The following SGK1 variants were observed in gnomAD, a reference collection of about 807,000 sequenced individuals.
The protein encoded by SGK1 is serum/glucocorticoid regulated kinase 1, also known as serine/threonine-protein kinase Sgk1.
Under a neutral mutation model 64.2 loss-of-function variants are expected in SGK1, and 26 were observed. That is an observed-to-expected ratio of 0.40 (90% CI 0.30 to 0.56). The LOEUF (loss-of-function observed/expected upper bound fraction) is 0.56. SGK1 is among the 20% of genes least tolerant of loss of function. The pLI is 0.38. For missense variants in SGK1, 519 were observed against 645.6 expected, an observed-to-expected ratio of 0.80 and a Z score of 2.12; for synonymous variants, 265 against 239.7, an observed-to-expected ratio of 1.11 and a Z score of -0.98.
At chr6:134,263,330 G>A (rs1181340306) in intron 1 of SGK1, among the ~76,000 whole-genome samples, 1 of 152,012 alleles carries the variant, frequency 6.6e-6, no homozygotes, top group African/African-American at 2.4e-5. Context: ...TTGAACTGCT[G>A]GGCTCAAGCA....
At chr6:134,301,530 T>TC (rs1562279065) in intron 1 of SGK1, among the ~76,000 whole-genome samples, 59 of 103,352 alleles carry the variant, frequency 5.7e-4, no homozygotes, top group South Asian at 2.9e-3. Flanking sequence ...TCTTTTCTCT[T>TC]TTCTTCTCTT....
intron 3 of SGK1, among the ~76,000 whole-genome samples, chr6:134,176,365 C>T (rs2114646674): frequency 6.6e-6 from 1 of 152,368 alleles, no homozygotes; most frequent in South Asian, 2.1e-4. Flanking sequence ...AGCCGGGTGA[C>T]TCCGCTGCAG....
At chr6:134,279,651 C>G (rs368432381) in intron 1 of SGK1, among the ~76,000 whole-genome samples, 7 of 151,988 alleles carry the variant, frequency 4.6e-5, no homozygotes, top group African/African-American at 1.7e-4. Context: ...CCCCTCCCCC[C>G]CAAAAATAGC....
At chr6:134,228,157 G>A (rs1776217740) in intron 2 of SGK1, among the ~76,000 whole-genome samples, 1 of 151,824 alleles carries the variant, frequency 6.6e-6, no homozygotes. Context: ...TTTTCACCAT[G>A]TTGGCCAGGC....
At chr6:134,235,790 G>A (rs907605292) in intron 2 of SGK1, among the ~76,000 whole-genome samples, 52 of 152,050 alleles carry the variant, frequency 3.4e-4, no homozygotes, top group African/African-American at 1.2e-3. Flanking sequence ...GGCCAGGCTG[G>A]TCTCAAACTC....
chr6:134,255,514 T>G (rs1473207225), intron 2 of SGK1, among the ~76,000 whole-genome samples: 1 of 151,206 alleles, frequency 6.6e-6, no homozygotes, highest in Non-Finnish European at 1.5e-5. Context: ...GTCACTGCAC[T>G]CTAGCCTGGG....
chr6:134,171,621 CCA>C lies in SGK1; in HGVS notation c.1167+14_1167+15del, dbSNP rs760734707. On this transcript the variant is annotated intron_variant, in intron 11 of 13. Coordinates refer to ENST00000367858, the MANE Select transcript of SGK1 (RefSeq NM_001143676.3). Reference sequence around the variant, plus strand: ...GGGAGCAGGCAGTGTTCCATGGTTCCCAATGTGCCACTCACCAGGCCATACAG... The same window carrying C: ...GGGAGCAGGCAGTGTTCCATGGTTCCATGTGCCACTCACCAGGCCATACAG... The C allele has an allele frequency of 5.1e-6, 8 of 1,577,414 alleles. No individual in the cohort carries two copies. In the South Asian group the frequency reaches 8.9e-5, roughly 17 times the overall value.
chr6:134,211,851 C>A (rs533527114), intron 2 of SGK1, among the ~76,000 whole-genome samples: 34 of 126,846 alleles, frequency 2.7e-4, no homozygotes, highest in East Asian at 2.2e-3. Flanking sequence ...TCCAGCCTGG[C>A]GAGAGAGCGA....
intron 3 of SGK1, among the ~76,000 whole-genome samples, chr6:134,194,006 C>T (rs1054289912): frequency 5.9e-5 from 9 of 151,906 alleles, no homozygotes; most frequent in African/African-American, 2.2e-4. Flanking sequence ...CACACTCACA[C>T]CCACACTCAT....
chr6:134,170,440 G>A lies in SGK1; in HGVS notation c.1414-5C>T, dbSNP rs769029434. The A allele has an allele frequency of 5.6e-6, 9 of 1,606,988 alleles. No homozygotes were observed. The highest frequency in any genetic ancestry group is 1.3e-5 in the African/African-American group (1 of 74,662). Reference sequence around the variant, plus strand: ...CCGTAGGTCGTTGGGCCCACTCTGTGACGGGAAGGGAAAAACACTCTTGTC... The same window carrying A: ...CCGTAGGTCGTTGGGCCCACTCTGTAACGGGAAGGGAAAAACACTCTTGTC... On this transcript the variant is annotated splice_region_variant and splice_polypyrimidine_tract_variant and intron_variant, in intron 13 of 13. Coordinates refer to ENST00000367858, the MANE Select transcript of SGK1 (RefSeq NM_001143676.3).
intron 1 of SGK1, among the ~76,000 whole-genome samples, chr6:134,296,567 T>C (rs1446441855): frequency 6.6e-6 from 1 of 152,062 alleles, no homozygotes; most frequent in African/African-American, 2.4e-5. Context: ...AGCAACCCTC[T>C]TGCCTCAGCC....
chr6:134,268,595 T>A (rs75920356), intron 1 of SGK1, among the ~76,000 whole-genome samples: 1 of 139,188 alleles, frequency 7.2e-6, no homozygotes. Context: ...TAGTGGAGGG[T>A]GCCTGTAGTC....
At chr6:134,243,037 A>T (rs1776472296) in intron 2 of SGK1, among the ~76,000 whole-genome samples, 1 of 151,864 alleles carries the variant, frequency 6.6e-6, no homozygotes. Flanking sequence ...ACTAATGGTT[A>T]AAAAACAAAC....
At chr6:134,185,555 A>AGTGTGT (rs55653141) in intron 3 of SGK1, among the ~76,000 whole-genome samples, 9,158 of 145,336 alleles carry the variant, frequency 0.063, 508 homozygotes, top group African/African-American at 0.15. Flanking sequence ...TATCTCTATG[A>AGTGTGT]GTGTGTGTGT....
intron 2 of SGK1, among the ~76,000 whole-genome samples, chr6:134,211,232 G>C (rs563218784): frequency 6.6e-6 from 1 of 152,168 alleles, no homozygotes; most frequent in South Asian, 2.1e-4. Flanking sequence ...ATATCAGAAA[G>C]GAACAGAAGA....
intron 3 of SGK1, among the ~76,000 whole-genome samples, chr6:134,201,303 G>A (rs954455520): frequency 2.6e-5 from 4 of 151,592 alleles, no homozygotes; most frequent in East Asian, 2.0e-4. Context: ...CTCATGATCC[G>A]CCCGTCTCGG....
chr6:134,239,474 A>G (rs1776410935), intron 2 of SGK1, among the ~76,000 whole-genome samples: 1 of 152,232 alleles, frequency 6.6e-6, no homozygotes, highest in African/African-American at 2.4e-5. Context: ...ACTGATGTAG[A>G]TAGTATCAGC....
At chr6:134,172,512 A>C (rs1405962833) in intron 9 of SGK1, 150 bp downstream of exon 9, 6 of 778,876 alleles carry the variant, frequency 7.7e-6, no homozygotes, top group Non-Finnish European at 1.2e-5. Flanking sequence ...CCCCCTTGGC[A>C]CTTAAGTCAA....
intron 3 of SGK1, among the ~76,000 whole-genome samples, chr6:134,206,379 ATATATTTTT>A (rs1775783245): frequency 2.2e-4 from 1 of 4,582 alleles, no homozygotes; most frequent in African/African-American, 6.3e-4. Context: ...ATATATATAT[ATATATTTTT>A]TTTTTTTTTT....
Sources: gnomAD v4.1 joint callset for allele counts (sites outside exome capture counted in the v4.1 genomes callset) on GRCh38, gnomAD v4.1.1 for gene constraint, MANE v1.5 for transcripts, NCBI Gene and HGNC (gene_info 2026-07-23, HGNC 2026-07-21) for gene names.